The following VCAN variants were observed in gnomAD, a reference collection of about 807,000 sequenced individuals.
VCAN encodes the protein versican core protein.
VCAN carries 44 observed loss-of-function variants against 245.5 expected under a neutral mutation model. The observed-to-expected ratio is 0.18, with a 90% CI of 0.14 to 0.23. VCAN has a LOEUF of 0.23. Among genes scored for constraint, VCAN ranks in the 10% least tolerant of loss-of-function variants. The probability of loss-of-function intolerance (pLI) is 1.00; values close to 1 mark genes in which losing one functional copy is unlikely to be tolerated. For missense variants in VCAN, 3,793 were observed against 4,057.9 expected, an observed-to-expected ratio of 0.93 and a Z score of 1.77; for synonymous variants, 1,413 against 1,437.0, an observed-to-expected ratio of 0.98 and a Z score of 0.38.
chr5:83,540,382 T>C lies in VCAN; in HGVS notation c.7379T>C (p.Val2460Ala), dbSNP rs112221556. The C allele has an allele frequency of 2.0e-4, 325 of 1,614,048 alleles. 3 individuals are homozygous for C. The African/African-American group carries it at 3.5e-3, about 18-fold the overall frequency. ...AGACAAGAAAGCAGCACCACATTTG[T>C]TTCTGATGGGTCCCTGGAAAAACAT... Reference protein sequence around the residue: ...ATRQESSTTFVSDGSLEKHPE... With the variant: ...ATRQESSTTFASDGSLEKHPE... Residue 2460 changes from valine to alanine, a missense_variant, in exon 8 of 15, where the codon GTT (valine) becomes GCT (alanine). Physicochemically the swap from Val to Ala is moderately conservative, Grantham distance 64. Coordinates refer to ENST00000265077, the MANE Select transcript of VCAN (RefSeq NM_004385.5).
At chr5:83,553,573 T>C in intron 11 of VCAN, 51 bp downstream of exon 11, 1 of 1,611,924 alleles carries the variant, frequency 6.2e-7, no homozygotes, top group Non-Finnish European at 8.5e-7. Context: ...CTCATCACTC[T>C]CTTAGTTTTG....
intron 12 of VCAN, among the ~76,000 whole-genome samples, chr5:83,566,337 A>C (rs562036893): frequency 6.6e-6 from 1 of 152,286 alleles, no homozygotes; most frequent in African/African-American, 2.4e-5. Context: ...ATTAGTGTAC[A>C]TTACATTTTT....
intron 5 of VCAN, among the ~76,000 whole-genome samples, chr5:83,494,434 G>A (rs1057341097): frequency 6.6e-5 from 10 of 152,146 alleles, no homozygotes; most frequent in African/African-American, 2.4e-4. Context: ...CAGTCAATAC[G>A]TTAAACCAGT....
At position 83,540,864 on chromosome 5, in the gene VCAN, G is replaced by A; in HGVS notation, c.7861G>A (p.Glu2621Lys). ...ESNDDSTQVQ[E>K]IYEAAVNLSL... ...TAATGATGACAGCACTCAAGTTCAA[G>A]AGATCTATGAGGCAGCTGTCAACCT... The change falls in exon 8 of 15, where the codon GAG becomes AAG. Residue 2621 changes from glutamate (E) to lysine (K), a missense_variant. Glu to Lys is a moderately conservative substitution (Grantham distance 56). Transcript: ENST00000265077. The A allele has an allele frequency of 1.2e-6, 2 of 1,613,986 alleles. No individual in the cohort carries two copies. Among genetic ancestry groups the A allele is most frequent in the Non-Finnish European group, 1.7e-6 (2 of 1,179,970 alleles).
intron 7 of VCAN, among the ~76,000 whole-genome samples, chr5:83,531,674 C>T (rs985446706): frequency 3.3e-5 from 5 of 151,908 alleles, no homozygotes; most frequent in Non-Finnish European, 7.4e-5. Context: ...GTAAAATTCC[C>T]CAAAGAGAAC....
intron 12 of VCAN, 93 bp downstream of exon 12, chr5:83,555,131 A>G: frequency 1.5e-6 from 2 of 1,333,646 alleles, no homozygotes; most frequent in Non-Finnish European, 2.1e-6. Flanking sequence ...ATTAGACTGG[A>G]GGCAAGTTAA....
At chr5:83,516,594 C>A (rs568702916) in intron 6 of VCAN, among the ~76,000 whole-genome samples, 2 of 152,184 alleles carry the variant, frequency 1.3e-5, no homozygotes, top group South Asian at 4.1e-4. Context: ...CAGACAGCTG[C>A]AAAGGTTGGA....
chr5:83,581,849 C>A lies in VCAN; in HGVS notation c.*1415C>A, dbSNP rs1040139381. The A allele has an allele frequency of 6.6e-6, 1 of 151,954 alleles. No individual in the cohort carries two copies. The highest frequency in any genetic ancestry group is 1.5e-5 in the Non-Finnish European group (1 of 67,998). 9.4% of individuals were successfully genotyped at this position (151,954 alleles called of 1,614,324 possible). A position where few individuals can be genotyped will look rare whatever the true frequency, so the allele number is the denominator to read the frequency against. On this transcript the variant is annotated 3_prime_UTR_variant, in exon 15 of 15. Coordinates refer to ENST00000265077, the MANE Select transcript of VCAN (RefSeq NM_004385.5). ...CTTAATTTAATGTTTAAAGAAAAACCTGTAATGGAAAGTAAGACTCCTTCC... is the reference window on the plus strand; with the variant it reads ...CTTAATTTAATGTTTAAAGAAAAACATGTAATGGAAAGTAAGACTCCTTCC...
At position 83,541,425 on chromosome 5, in the gene VCAN, A is replaced by C; in HGVS notation, c.8422A>C (p.Thr2808Pro). Residue 2808 changes from threonine to proline, a missense_variant, in exon 8 of 15, where the codon ACT becomes CCT. Physicochemically the swap from Thr to Pro is conservative, Grantham distance 38. Transcript: ENST00000265077. Reference protein sequence around the residue: ...VMEGSNPPYYTDTTLAVSTFA... With the variant: ...VMEGSNPPYYPDTTLAVSTFA... ...GGAAGGATCCAATCCCCCATATTAC[A>C]CTGATACAACATTAGCAGTTTCAAC... 6.2e-7 allele frequency: 1 copy of C among 1,614,062 alleles called. No homozygotes were observed.
Position 83,580,089 on chromosome 5 carries a change from T to C in VCAN, c.9990T>C (p.Ile3330=). 1.9e-6 allele frequency: 3 copies of C among 1,614,084 alleles called. No homozygotes were observed. The highest frequency in any genetic ancestry group is 2.5e-6 in the Non-Finnish European group (3 of 1,179,998). ...GATACCACTGCAAAGATGGTTTCAT[T>C]CAACGTCACCTTCCAACTATCCGGT... ...LIRYHCKDGF[I]QRHLPTIRCL... The change falls in exon 14 of 15, where the codon ATT becomes ATC. Residue 3330 remains isoleucine, a synonymous_variant. Coordinates refer to ENST00000265077, the MANE Select transcript of VCAN (RefSeq NM_004385.5).
rs752620870 is a variant in VCAN, at chr5:83,493,937, A to T, written c.748+6A>T. On this transcript the variant is annotated splice_donor_region_variant and intron_variant, in intron 5 of 14. Coordinates refer to ENST00000265077, the MANE Select transcript of VCAN (RefSeq NM_004385.5). ...TTATGTGGATCATCTGGATGGTAAG[A>T]TGTTTGAGTTTCTATATCTTCGTAT... The T allele has an allele frequency of 1.9e-6, 3 of 1,614,008 alleles. No homozygotes were observed. The South Asian group carries it at 3.3e-5, about 18-fold the overall frequency.
chr5:83,554,626 A>G (rs1046375697), intron 11 of VCAN, among the ~76,000 whole-genome samples: 1 of 152,190 alleles, frequency 6.6e-6, no homozygotes, highest in Admixed American at 6.5e-5. Flanking sequence ...ACAACAACAA[A>G]AAAATAGAAA....
intron 5 of VCAN, among the ~76,000 whole-genome samples, chr5:83,504,548 AT>A (rs1233757727): frequency 6.6e-6 from 1 of 151,916 alleles, no homozygotes; most frequent in Non-Finnish European, 1.5e-5. Flanking sequence ...TGCCTGGCTA[AT>A]TTTTGTATTT....
chr5:83,494,709 T>C (rs752413903), intron 5 of VCAN, among the ~76,000 whole-genome samples: 1 of 152,158 alleles, frequency 6.6e-6, no homozygotes, highest in Non-Finnish European at 1.5e-5. Flanking sequence ...TCCCAGCACT[T>C]TGGGAGAGCT....
In VCAN at chr5:83,540,162, T is replaced by G; in HGVS notation, c.7159T>G (p.Ser2387Ala). The change falls in exon 8 of 15, where the codon TCA (serine) becomes GCA (alanine). Residue 2387 changes from serine (S) to alanine (A), a missense_variant. By Grantham distance (99) the Ser-to-Ala change is moderately conservative. Transcript: ENST00000265077. ...ITEQDSNKNS[S>A]TAEINETTTS... ...TGAACAAGACTCTAACAAGAATTCT[T>G]CAACAGCAGAAATTAACGAAACAAC... 2 of 1,613,974 alleles carry G rather than the reference T, an allele frequency of 1.2e-6. No homozygotes were observed. Among genetic ancestry groups the G allele is most frequent in the Non-Finnish European group, 1.7e-6 (2 of 1,179,986 alleles).
chr5:83,520,925 A>G lies in VCAN; in HGVS notation c.2619A>G (p.Ile873Met), dbSNP rs776945665. 6.2e-7 allele frequency: 1 copy of G among 1,614,160 alleles called. No individual in the cohort carries two copies. The highest frequency in any genetic ancestry group is 8.5e-7 in the Non-Finnish European group (1 of 1,179,998). The stretch of plus-strand genomic sequence containing the variant: ...TAGAGGAGGTTACTGATGAAGACAT[A>G]GCAGCCCATGGAAAATTCACAATTA... ...KQLEEVTDED[I>M]AAHGKFTIRF... Residue 873 changes from isoleucine (I) to methionine (M), a missense_variant, in exon 7 of 15, where the codon ATA becomes ATG. Around this residue, in one of 5 missense-constraint regions of VCAN, gnomAD observed 3,182 missense variants for 3,250.3 expected, o/e 0.98. Coordinates refer to ENST00000265077, the MANE Select transcript of VCAN (RefSeq NM_004385.5).
At position 83,489,361 on chromosome 5, in the gene VCAN, A is replaced by G. The variant is rs150944550; in HGVS notation, c.71-737A>G. Among the ~76,000 whole-genome samples the G allele has an allele frequency of 2.0e-5, 3 of 152,330 alleles. No homozygotes were observed. In the East Asian group the frequency reaches 5.8e-4, roughly 29 times the overall value. ...AATGGTGTTAAACTGTAGTCAATATATTCTTTATCATTAAAAGTTTAAAAG... is the reference window on the plus strand; with the variant it reads ...AATGGTGTTAAACTGTAGTCAATATGTTCTTTATCATTAAAAGTTTAAAAG... On this transcript the variant is annotated intron_variant, in intron 2 of 14. Coordinates refer to ENST00000265077, the MANE Select transcript of VCAN (RefSeq NM_004385.5).
chr5:83,498,119 A>C (rs761740163), intron 5 of VCAN, among the ~76,000 whole-genome samples: 1 of 151,978 alleles, frequency 6.6e-6, no homozygotes, highest in African/African-American at 2.4e-5. Context: ...CTACCCTACT[A>C]TTCCAATTCT....
chr5:83,481,595 T>C (rs1467242917), intron 1 of VCAN, among the ~76,000 whole-genome samples: 10 of 152,188 alleles, frequency 6.6e-5, no homozygotes, highest in African/African-American at 2.4e-4. Flanking sequence ...TCCTAGTGAT[T>C]ATAGGATAAA....
Sources: allele counts gnomAD v4.1 joint callset (sites outside exome capture counted in the v4.1 genomes callset), GRCh38; gene constraint gnomAD v4.1.1; regional missense constraint gnomAD v4.1.1; transcripts MANE v1.5; gene names NCBI Gene and HGNC (gene_info 2026-07-23, HGNC 2026-07-21).